IL20RB: variants seen among roughly 807,000 people sequenced by gnomAD.
The protein encoded by IL20RB is interleukin-20 receptor subunit beta.
IL20RB carries 21 observed loss-of-function variants against 33.3 expected under a neutral mutation model. The ratio of observed to expected loss-of-function variants is 0.63; its 90% confidence interval spans 0.45 to 0.91. IL20RB has a LOEUF of 0.91. Ranked by LOEUF, IL20RB falls within the 40% of genes least tolerant of loss-of-function variation. The probability of loss-of-function intolerance (pLI) is 0.00; values close to 1 mark genes in which losing one functional copy is unlikely to be tolerated. For synonymous variants in IL20RB, 147 were observed against 146.8 expected (o/e 1.00, Z -0.01); for missense variants, 345 against 384.8 (o/e 0.90, Z 0.86).
chr3:136,991,388 A>T (rs190077186), intron 4 of IL20RB, among the ~76,000 whole-genome samples: 72 of 152,186 alleles, frequency 4.7e-4, no homozygotes, highest in Non-Finnish European at 8.7e-4. Context: ...GAGAGCAAGG[A>T]CTTTGTCCAT....
intron 5 of IL20RB, 91 bp from the exon 6 acceptor site, chr3:136,995,323 G>T: frequency 6.8e-7 from 1 of 1,460,988 alleles, no homozygotes; most frequent in South Asian, 1.3e-5. Flanking sequence ...CCAATGTGCA[G>T]AGTCAACTCC....
chr3:136,985,178 A>G (rs917077259), intron 3 of IL20RB, among the ~76,000 whole-genome samples: 2 of 152,148 alleles, frequency 1.3e-5, no homozygotes, highest in Admixed American at 6.6e-5. Flanking sequence ...CGGTTCTATG[A>G]TATCCAAGCA....
intron 6 of IL20RB, among the ~76,000 whole-genome samples, chr3:137,002,633 A>G (rs1408794534): frequency 6.7e-6 from 1 of 150,264 alleles, no homozygotes; most frequent in African/African-American, 2.4e-5. Flanking sequence ...TTTTTCTTGT[A>G]AATTTGTTTG....
At chr3:136,963,693 A>AT (rs35766983) in intron 1 of IL20RB, among the ~76,000 whole-genome samples, 16,050 of 62,646 alleles carry the variant, frequency 0.26, 909 homozygotes, top group East Asian at 0.49. Flanking sequence ...TTTTTTTTTT[A>AT]TTTTTTTTTT....
intron 3 of IL20RB, among the ~76,000 whole-genome samples, chr3:136,988,847 T>C (rs1162681175): frequency 1.3e-5 from 2 of 152,176 alleles, no homozygotes; most frequent in African/African-American, 4.8e-5. Context: ...CATCTGCTGA[T>C]ATGTGAAAGT....
At chr3:136,977,385 A>G (rs537336504) in intron 1 of IL20RB, among the ~76,000 whole-genome samples, 1 of 152,302 alleles carries the variant, frequency 6.6e-6, no homozygotes, top group Non-Finnish European at 1.5e-5. Context: ...TGAACACAGT[A>G]TGTCTCTCCA....
At chr3:136,959,526 T>C (rs934456608) in intron 1 of IL20RB, 1 of 152,228 alleles carries the variant, frequency 6.6e-6, no homozygotes, top group Non-Finnish European at 1.5e-5. Context: ...AACAGAAATG[T>C]TGCCAAGAAA....
At chr3:136,958,331 T>G (rs1363895854) in intron 1 of IL20RB, 130 bp downstream of exon 1, 7 of 584,216 alleles carry the variant, frequency 1.2e-5, no homozygotes, top group Non-Finnish European at 1.8e-5. Context: ...TACAAAAGAT[T>G]TATCACCTCC....
At chr3:136,970,169 T>C (rs1941435991) in intron 1 of IL20RB, among the ~76,000 whole-genome samples, 1 of 151,964 alleles carries the variant, frequency 6.6e-6, no homozygotes, top group Admixed American at 6.6e-5. Flanking sequence ...CACAGCTCAC[T>C]GCGGTCTCAA....
chr3:136,978,659 C>T (rs778652841), intron 1 of IL20RB, among the ~76,000 whole-genome samples: 9 of 152,126 alleles, frequency 5.9e-5, no homozygotes, highest in Non-Finnish European at 1.0e-4. Context: ...TCTTTTTGTA[C>T]ATTACTGAAT....
intron 1 of IL20RB, among the ~76,000 whole-genome samples, chr3:136,979,975 G>A (rs1941726639): frequency 6.6e-6 from 1 of 152,188 alleles, no homozygotes; most frequent in African/African-American, 2.4e-5. Context: ...GTAAGTGGCA[G>A]AGTCACTGGA....
chr3:137,003,674 G>A (rs761223260), intron 6 of IL20RB, among the ~76,000 whole-genome samples: 2 of 152,106 alleles, frequency 1.3e-5, no homozygotes, highest in Admixed American at 1.3e-4. Flanking sequence ...GGGCTGAGAC[G>A]ATGGGGTTTT....
intron 4 of IL20RB, among the ~76,000 whole-genome samples, chr3:136,991,348 A>G (rs1942026994): frequency 6.6e-6 from 1 of 151,958 alleles, no homozygotes; most frequent in African/African-American, 2.4e-5. Flanking sequence ...GTATTTTTTT[A>G]TAGTCTGTTT....
chr3:136,984,664 G>A (rs1174642952), intron 3 of IL20RB, among the ~76,000 whole-genome samples: 1 of 151,854 alleles, frequency 6.6e-6, no homozygotes, highest in Non-Finnish European at 1.5e-5. Context: ...GGGAAGGGAT[G>A]GGGCAGGAAT....
At chr3:136,962,714 T>C (rs1941255044) in intron 1 of IL20RB, among the ~76,000 whole-genome samples, 2 of 147,522 alleles carry the variant, frequency 1.4e-5, no homozygotes, top group African/African-American at 2.5e-5. Flanking sequence ...ATTGCACCAC[T>C]GCACTCCAGT....
At chr3:136,995,585 G>A in intron 6 of IL20RB, 29 bp downstream of exon 6, 3 of 1,611,528 alleles carry the variant, frequency 1.9e-6, no homozygotes, top group South Asian at 1.1e-5. Flanking sequence ...ATTCCTTTCA[G>A]TATAACACTG....
At chr3:137,009,422 A>G (rs1577037731) in intron 6 of IL20RB, among the ~76,000 whole-genome samples, 2 of 151,940 alleles carry the variant, frequency 1.3e-5, no homozygotes, top group Middle Eastern at 3.4e-3. Flanking sequence ...CAAGGAAGGG[A>G]CTCCCATTTA....
chr3:136,977,746 G>A (rs1420545985), intron 1 of IL20RB, among the ~76,000 whole-genome samples: 1 of 152,094 alleles, frequency 6.6e-6, no homozygotes, highest in Non-Finnish European at 1.5e-5. Context: ...GGCTGGCCTC[G>A]AACTCCTGAG....
At chr3:136,972,429 C>T (rs1173055884) in intron 1 of IL20RB, among the ~76,000 whole-genome samples, 1 of 152,158 alleles carries the variant, frequency 6.6e-6, no homozygotes, top group East Asian at 1.9e-4. Context: ...GTGAATCCAT[C>T]TAATCCTGGG....
Sources: gnomAD v4.1 joint callset for allele counts (sites outside exome capture counted in the v4.1 genomes callset) on GRCh38, gnomAD v4.1.1 for gene constraint, MANE v1.5 for transcripts, NCBI Gene and HGNC (gene_info 2026-07-23, HGNC 2026-07-21) for gene names.